MACROD2: variants seen among roughly 807,000 people sequenced by gnomAD.
MACROD2 encodes the protein mono-ADP ribosylhydrolase 2, also known as ADP-ribose glycohydrolase MACROD2.
MACROD2 carries 36 observed loss-of-function variants against 70.4 expected under a neutral mutation model. The observed-to-expected ratio is 0.51, with a 90% CI of 0.39 to 0.68. The LOEUF (loss-of-function observed/expected upper bound fraction) is 0.68. Among genes scored for constraint, MACROD2 ranks in the 30% least tolerant of loss-of-function variants. The pLI is 0.00. For synonymous variants in MACROD2, 172 were observed against 178.8 expected (o/e 0.96, Z 0.30); for missense variants, 496 against 538.4 (o/e 0.92, Z 0.78).
chr20:14,262,230 G>A (rs529165847), intron 3 of MACROD2, among the ~76,000 whole-genome samples: 2 of 152,212 alleles, frequency 1.3e-5, no homozygotes, highest in South Asian at 2.1e-4. Context: ...AGCCATTGAA[G>A]TACTTTAAAA....
At chr20:15,178,479 C>G (rs2076477856) in intron 5 of MACROD2, among the ~76,000 whole-genome samples, 1 of 152,202 alleles carries the variant, frequency 6.6e-6, no homozygotes, top group South Asian at 2.1e-4. Context: ...ATTTGCCTAG[C>G]TAGTTTGGCT....
chr20:15,346,664 A>G (rs1046037534), intron 6 of MACROD2, among the ~76,000 whole-genome samples: 2 of 152,174 alleles, frequency 1.3e-5, no homozygotes, highest in African/African-American at 2.4e-5. Flanking sequence ...GTTTCTCCTT[A>G]AGGATATTTA....
At chr20:15,696,969 G>A (rs1269237487) in intron 8 of MACROD2, among the ~76,000 whole-genome samples, 1 of 151,732 alleles carries the variant, frequency 6.6e-6, no homozygotes, top group Admixed American at 6.6e-5. Flanking sequence ...TCTTGCTAAT[G>A]GTCTATCAAT....
At chr20:15,069,778 G>A (rs113983920) in intron 5 of MACROD2, among the ~76,000 whole-genome samples, 199 of 152,362 alleles carry the variant, frequency 1.3e-3, no homozygotes, top group Non-Finnish European at 2.5e-3. Context: ...GACTGTATGG[G>A]AAAGCGTGGG....
chr20:14,418,304 A>T (rs1253906393), intron 3 of MACROD2, among the ~76,000 whole-genome samples: 1 of 152,232 alleles, frequency 6.6e-6, no homozygotes, highest in Admixed American at 6.5e-5. Context: ...CAAACTAATG[A>T]TGAAACTAAG....
At chr20:15,919,133 C>CA (rs965750268) in intron 10 of MACROD2, among the ~76,000 whole-genome samples, 23 of 151,688 alleles carry the variant, frequency 1.5e-4, no homozygotes, top group Non-Finnish European at 2.2e-4. Context: ...TACATTTATC[C>CA]AAAAAAAAGA....
intron 8 of MACROD2, among the ~76,000 whole-genome samples, chr20:15,612,719 C>T (rs372455641): frequency 1.3e-5 from 2 of 152,088 alleles, no homozygotes; most frequent in Non-Finnish European, 2.9e-5. Flanking sequence ...TTCTTGTAGT[C>T]GTTTTTAAAA....
chr20:15,355,561 A>C (rs112992798), intron 6 of MACROD2, among the ~76,000 whole-genome samples: 83 of 152,266 alleles, frequency 5.5e-4, no homozygotes, highest in African/African-American at 1.9e-3. Flanking sequence ...AGATTGATTA[A>C]ATAATTGGCC....
At chr20:14,320,628 C>G (rs1189863147) in intron 3 of MACROD2, among the ~76,000 whole-genome samples, 1 of 151,078 alleles carries the variant, frequency 6.6e-6, no homozygotes, top group Non-Finnish European at 1.5e-5. Flanking sequence ...CCTCCTAAAT[C>G]AGTGGTCCTT....
intron 8 of MACROD2, among the ~76,000 whole-genome samples, chr20:15,542,453 A>G (rs762417263): frequency 2.4e-4 from 36 of 152,174 alleles, no homozygotes; most frequent in Non-Finnish European, 4.3e-4. Flanking sequence ...AGAAAGTAGG[A>G]CCAGTGGGAG....
intron 5 of MACROD2, among the ~76,000 whole-genome samples, chr20:15,134,394 G>C (rs1197398833): frequency 2.0e-5 from 3 of 151,692 alleles, no homozygotes; most frequent in Non-Finnish European, 2.9e-5. Flanking sequence ...AATCAAACTA[G>C]AACTCAGGAT....
rs770127748 is a variant in MACROD2 at position 15,315,635 on chromosome 20, T to G, written c.540+85574T>G. Among the ~76,000 whole-genome samples, 11 of 152,154 alleles carry G rather than the reference T, an allele frequency of 7.2e-5. 1 individual carries two copies. The highest frequency in any genetic ancestry group is 1.5e-4 in the Non-Finnish European group (10 of 68,018). On this transcript the variant is annotated intron_variant, in intron 6 of 17. Transcript: ENST00000684519. ...TCAAAAATGGAGAAATTAAGACATT[T>G]ACAGATGGACAAAATCTGAGGAAGT...
intron 6 of MACROD2, among the ~76,000 whole-genome samples, chr20:15,386,999 G>C (rs1368679289): frequency 1.3e-5 from 2 of 151,794 alleles, no homozygotes; most frequent in Non-Finnish European, 2.9e-5. Flanking sequence ...ATCATTAAAG[G>C]AAAAGAAAAA....
intron 6 of MACROD2, among the ~76,000 whole-genome samples, chr20:15,426,700 T>C (rs2046303102): frequency 6.6e-6 from 1 of 151,952 alleles, no homozygotes; most frequent in Middle Eastern, 3.2e-3. Context: ...GCTCCTGAAG[T>C]TTGCTGAAAG....
chr20:14,857,541 G>A (rs58434631), intron 5 of MACROD2, among the ~76,000 whole-genome samples: 82 of 152,248 alleles, frequency 5.4e-4, no homozygotes, highest in African/African-American at 1.9e-3. Flanking sequence ...AGTGTGACAA[G>A]GGAGCCCTGC....
At position 15,418,248 on chromosome 20, in the gene MACROD2, G is replaced by T. The variant is rs189474243; in HGVS notation, c.541-13157G>T. ...TGGTATCTTTCTTCCTACTTGTTAA[G>T]CTTTAACAGGGGAAGAGACTGATAG... On this transcript the variant is annotated intron_variant, in intron 6 of 17. Transcript: ENST00000684519. Among the ~76,000 whole-genome samples the T allele has an allele frequency of 4.5e-3, 692 of 152,320 alleles. 3 individuals are homozygous for T. Among genetic ancestry groups the T allele is most frequent in the Non-Finnish European group, 7.5e-3 (511 of 68,020 alleles).
intron 8 of MACROD2, among the ~76,000 whole-genome samples, chr20:15,732,957 A>T (rs2050966683): frequency 2.0e-5 from 3 of 152,070 alleles, no homozygotes; most frequent in African/African-American, 7.2e-5. Context: ...TTAATTATTG[A>T]TTCATAACCT....
chr20:15,577,632 G>A (rs1265831505), intron 8 of MACROD2, among the ~76,000 whole-genome samples: 2 of 151,774 alleles, frequency 1.3e-5, no homozygotes, highest in African/African-American at 2.4e-5. Flanking sequence ...TACTCCCTGC[G>A]TGCGTACTCC....
chr20:14,983,709 T>C (rs534274316), intron 5 of MACROD2, among the ~76,000 whole-genome samples: 1 of 152,268 alleles, frequency 6.6e-6, no homozygotes, highest in East Asian at 1.9e-4. Context: ...TTTTGTAAAT[T>C]GCCCAGTCTC....
Sources: allele counts gnomAD v4.1 joint callset (sites outside exome capture counted in the v4.1 genomes callset), GRCh38; gene constraint gnomAD v4.1.1; transcripts MANE v1.5; gene names NCBI Gene and HGNC (gene_info 2026-07-23, HGNC 2026-07-21).